Variants in PPIL1 observed in about 807,000 individuals in gnomAD.
PPIL1 encodes peptidyl-prolyl cis-trans isomerase-like 1.
Under a neutral mutation model 19.4 loss-of-function variants are expected in PPIL1, and 14 were observed. That is an observed-to-expected ratio of 0.72 (90% confidence interval 0.48 to 1.13). The LOEUF is 1.13. PPIL1 is among the 50% of genes most tolerant of loss of function. PPIL1 has a pLI of 0.00. For missense variants in PPIL1, 192 were observed against 218.0 expected (o/e 0.88, Z 0.75); for synonymous variants, 72 against 73.6 (o/e 0.98, Z 0.11).
intron 2 of PPIL1, among the ~76,000 whole-genome samples, chr6:36,861,876 A>T (rs2150656379): frequency 6.6e-6 from 1 of 152,052 alleles, no homozygotes; most frequent in African/African-American, 2.4e-5. Context: ...TTGTATTTTT[A>T]GTAGAGACGG....
chr6:36,872,985 T>C (rs1774549972), intron 1 of PPIL1, among the ~76,000 whole-genome samples: 1 of 152,230 alleles, frequency 6.6e-6, no homozygotes, highest in East Asian at 1.9e-4. Context: ...TATAAGTATA[T>C]GAGGAGTGTG....
At chr6:36,860,395 G>A (rs902607093) in intron 2 of PPIL1, among the ~76,000 whole-genome samples, 7 of 152,058 alleles carry the variant, frequency 4.6e-5, no homozygotes, top group African/African-American at 9.7e-5. Context: ...CCAGTAGGTC[G>A]AGGCTAGAGT....
At chr6:36,864,191 T>C (rs1043967690) in intron 2 of PPIL1, among the ~76,000 whole-genome samples, 2 of 152,070 alleles carry the variant, frequency 1.3e-5, no homozygotes, top group East Asian at 1.9e-4. Flanking sequence ...CTTCACATGG[T>C]AGCCACAGGG....
intron 3 of PPIL1, 38 bp downstream of exon 3, chr6:36,856,548 C>T: frequency 6.3e-7 from 1 of 1,575,420 alleles, no homozygotes; most frequent in Non-Finnish European, 8.7e-7. Context: ...CTTTTAAAAT[C>T]CCCGTTCCTA....
chr6:36,874,672 G>A, intron 1 of PPIL1, 45 bp downstream of exon 1: 1 of 1,603,722 alleles, frequency 6.2e-7, no homozygotes, highest in Non-Finnish European at 8.5e-7. Flanking sequence ...TGAGGCCCGG[G>A]CTCCGCGTCT....
intron 1 of PPIL1, among the ~76,000 whole-genome samples, chr6:36,874,285 G>A (rs1456806222): frequency 6.6e-6 from 1 of 152,136 alleles, no homozygotes; most frequent in African/African-American, 2.4e-5. Context: ...GTATTTTACT[G>A]GAATTTGTTT....
At chr6:36,869,291 T>C (rs1203755853) in intron 2 of PPIL1, among the ~76,000 whole-genome samples, 1 of 152,078 alleles carries the variant, frequency 6.6e-6, no homozygotes, top group Non-Finnish European at 1.5e-5. Flanking sequence ...CCTAAAAAAT[T>C]TATTTTAAAA....
rs138472609 is a variant in PPIL1 at position 36,870,875 on chromosome 6, C to G, written c.211+843G>C. On this transcript the variant is annotated intron_variant, in intron 2 of 3. Coordinates refer to ENST00000373699, the MANE Select transcript of PPIL1 (RefSeq NM_016059.5). ...CTGACCTCAAATGATCCAACTGCCT[C>G]GGGCTCCCAAAGTGCTGGGATTACA... Among the ~76,000 whole-genome samples, 533 of 152,254 alleles carry G rather than the reference C, an allele frequency of 3.5e-3. 2 individuals are homozygous for G. Among genetic ancestry groups the G allele is most frequent in the African/African-American group, 0.012 (496 of 41,536 alleles).
intron 1 of PPIL1, among the ~76,000 whole-genome samples, chr6:36,874,255 G>A (rs1774586038): frequency 2.0e-5 from 3 of 152,186 alleles, no homozygotes; most frequent in Admixed American, 1.3e-4. Context: ...TTTGATAGTG[G>A]GGAAAATGTG....
At chr6:36,860,969 G>A (rs190328365) in intron 2 of PPIL1, among the ~76,000 whole-genome samples, 134 of 152,194 alleles carry the variant, frequency 8.8e-4, no homozygotes, top group South Asian at 1.9e-3. Context: ...TCACCTCACT[G>A]TATGACCATA....
rs766393712 is a variant in PPIL1 at position 36,856,589 on chromosome 6, T to G, written c.277A>C (p.Thr93Pro). ...TCCAGCCAAATTATACACTTACCCG[T>G]GAATTTCAAGTCTGGATGAAGTTCA... ...EDELHPDLKF[T>P]GAGILAMANA... is the part of the protein sequence containing the mutation. The change falls in exon 3 of 4, where the codon ACG (threonine) becomes CCG (proline). Residue 93 changes from threonine (T) to proline (P), a missense_variant. By Grantham distance (38) the Thr-to-Pro change is conservative. Transcript: ENST00000373699. The G allele has an allele frequency of 6.2e-7, 1 of 1,613,992 alleles. No homozygotes were observed. The highest frequency in any genetic ancestry group is 2.2e-5 in the East Asian group (1 of 44,886).
chr6:36,857,992 G>A (rs926491233), intron 2 of PPIL1, among the ~76,000 whole-genome samples: 1 of 152,046 alleles, frequency 6.6e-6, no homozygotes, highest in African/African-American at 2.4e-5. Context: ...CACGTTGGAA[G>A]GCCAAGGCAG....
At chr6:36,868,240 G>C (rs912601314) in intron 2 of PPIL1, among the ~76,000 whole-genome samples, 1 of 152,152 alleles carries the variant, frequency 6.6e-6, no homozygotes, top group African/African-American at 2.4e-5. Flanking sequence ...TAATGAGCTA[G>C]TAGATAAATT....
intron 2 of PPIL1, among the ~76,000 whole-genome samples, chr6:36,859,402 G>A (rs1774232549): frequency 7.4e-6 from 1 of 135,602 alleles, no homozygotes; most frequent in African/African-American, 2.7e-5. Context: ...TGCAGCCCAG[G>A]CAACAGAGTG....
chr6:36,866,367 A>G (rs1300070014), intron 2 of PPIL1, among the ~76,000 whole-genome samples: 1 of 152,184 alleles, frequency 6.6e-6, no homozygotes, highest in Admixed American at 6.6e-5. Flanking sequence ...CTTGCTGAAG[A>G]GCCCAGGATG....
At chr6:36,858,735 CTG>C (rs753446421) in intron 2 of PPIL1, 14 of 152,270 alleles carry the variant, frequency 9.2e-5, no homozygotes, top group Non-Finnish European at 1.3e-4. Context: ...CCACACTAAA[CTG>C]TGTAAAACTC....
In PPIL1 at chr6:36,855,769, T is replaced by A; in HGVS notation, c.*44A>T. The stretch of plus-strand genomic sequence containing the variant: ...CATTCTATGTCATCTAGAAGCTGGT[T>A]CACTGGGGCCATCTCAGAAGAGCTG... On this transcript the variant is annotated 3_prime_UTR_variant, in exon 4 of 4. Coordinates refer to ENST00000373699, the MANE Select transcript of PPIL1 (RefSeq NM_016059.5). The A allele has an allele frequency of 6.3e-7, 1 of 1,585,828 alleles. No individual in the cohort carries two copies.
In PPIL1 at chr6:36,856,577, TAC is replaced by T. The variant is rs1405429705; in HGVS notation, c.280+7_280+8del. On this transcript the variant is annotated splice_region_variant and intron_variant, in intron 3 of 3. Coordinates refer to ENST00000373699, the MANE Select transcript of PPIL1 (RefSeq NM_016059.5). ...GTTCCTACCCAGTCCAGCCAAATTA[TAC>T]ACTTACCCGTGAATTTCAAGTCTGG... 6.2e-7 allele frequency: 1 copy of T among 1,613,348 alleles called. No individual in the cohort carries two copies. Among genetic ancestry groups the T allele is most frequent in the African/African-American group, 1.3e-5 (1 of 74,922 alleles).
intron 2 of PPIL1, among the ~76,000 whole-genome samples, chr6:36,859,224 A>G (rs2069029174): frequency 6.6e-6 from 1 of 152,150 alleles, no homozygotes; most frequent in Non-Finnish European, 1.5e-5. Context: ...CAGGAGTTTG[A>G]GACCAGCCTG....
Sources: allele counts gnomAD v4.1 joint callset (sites outside exome capture counted in the v4.1 genomes callset), GRCh38; gene constraint gnomAD v4.1.1; transcripts MANE v1.5; gene names NCBI Gene and HGNC (gene_info 2026-07-23, HGNC 2026-07-21).